Variants in PSD3 observed in about 807,000 individuals in gnomAD.
The protein encoded by PSD3 is PH and SEC7 domain-containing protein 3.
In PSD3, 49 loss-of-function variants were observed where a neutral mutation model predicts 105.5. The ratio of observed to expected loss-of-function variants is 0.46; its 90% CI spans 0.37 to 0.59. PSD3 has a LOEUF of 0.59. PSD3 is among the 20% of genes least tolerant of loss of function. The pLI is 0.00. For synonymous variants in PSD3, 557 were observed against 457.8 expected, an observed-to-expected ratio of 1.22 and a Z score of -2.77; for missense variants, 1,561 against 1,263.8, an observed-to-expected ratio of 1.24 and a Z score of -3.57.
At chr8:18,984,657 T>G (rs1825408287) in intron 1 of PSD3, among the ~76,000 whole-genome samples, 1 of 152,200 alleles carries the variant, frequency 6.6e-6, no homozygotes, top group Admixed American at 6.5e-5. Context: ...TTATAATTCC[T>G]TAATTGTAGC....
chr8:18,556,253 C>G lies in PSD3; in HGVS notation c.2884G>C (p.Asp962His). 1.2e-6 allele frequency: 2 copies of G among 1,614,164 alleles called. No individual in the cohort carries two copies. The highest frequency in any genetic ancestry group is 1.7e-6 in the Non-Finnish European group (2 of 1,179,994). Residue 962 changes from aspartate (D) to histidine (H), a missense_variant, in exon 15 of 16, where the codon GAC becomes CAC. Transcript: ENST00000327040. ...YPPDKKVKAK[D>H]VDEYKLKDHY... ...TCTTTCAGTTTGTACTCATCGACGT[C>G]CTTGGCTTTGACCTTCTTGTCGGGG...
chr8:18,826,544 T>G (rs553032735), intron 4 of PSD3, among the ~76,000 whole-genome samples: 5 of 152,236 alleles, frequency 3.3e-5, no homozygotes, highest in Admixed American at 1.3e-4. Flanking sequence ...CCTCAAGATC[T>G]TTTGTATCTT....
rs565503392 is a variant in PSD3 at position 18,802,434 on chromosome 8, C to T, written c.1911-1052G>A. On this transcript the variant is annotated intron_variant, in intron 6 of 15. Transcript: ENST00000327040. ...CTATGGTAAAAAACATACCATGAGC[C>T]TCATTTCTATGAAAATTTTGCCTTC... 26 of 300,660 alleles carry T rather than the reference C, an allele frequency of 8.6e-5. No homozygotes were observed. The East Asian group carries it at 1.9e-3, about 22-fold the overall frequency. The allele number at this position is 300,660 out of a possible 1,614,324, so 18.6% of individuals were successfully genotyped here.
rs370963041 is a variant in PSD3, at chr8:18,804,519, T to C, written c.1910+3A>G. On this transcript the variant is annotated splice_donor_region_variant and intron_variant, in intron 6 of 15. Coordinates refer to ENST00000327040, the MANE Select transcript of PSD3 (RefSeq NM_015310.4). Reference sequence around the variant, plus strand: ...GACGAGCAGCAAGGAGGCTTAGTCATACCTGAGTGACTGATCCAGCGTCAT... The same window carrying C: ...GACGAGCAGCAAGGAGGCTTAGTCACACCTGAGTGACTGATCCAGCGTCAT... The C allele has an allele frequency of 5.0e-6, 8 of 1,600,844 alleles. No homozygotes were observed. The highest frequency in any genetic ancestry group is 1.7e-5 in the Admixed American group (1 of 59,908).
At chr8:18,575,042 C>A in intron 13 of PSD3, 86 bp downstream of exon 13, 1 of 1,387,350 alleles carries the variant, frequency 7.2e-7, no homozygotes, top group South Asian at 1.8e-5. Flanking sequence ...AAAAATTTCC[C>A]CTGCAGAGCT....
intron 14 of PSD3, among the ~76,000 whole-genome samples, chr8:18,567,471 C>A (rs1297407827): frequency 1.3e-5 from 2 of 152,132 alleles, no homozygotes; most frequent in African/African-American, 4.8e-5. Context: ...TTCTGGTCAT[C>A]AGTAAGAGCA....
chr8:18,763,907 C>T (rs938557641), intron 9 of PSD3, among the ~76,000 whole-genome samples: 1 of 152,120 alleles, frequency 6.6e-6, no homozygotes, highest in South Asian at 2.1e-4. Flanking sequence ...ACAAATAATA[C>T]ATACTTTCCC....
At chr8:19,003,276 G>C (rs78316270) in intron 1 of PSD3, among the ~76,000 whole-genome samples, 21,700 of 151,818 alleles carry the variant, frequency 0.14, 1,794 homozygotes, top group African/African-American at 0.16. Flanking sequence ...GAGGCTGAGG[G>C]AGGAGGATTG....
chr8:18,602,988 G>C lies in PSD3; in HGVS notation c.2411-2554C>G, dbSNP rs183293728. ...ACTTCACATAATGAACTTGATGAGA[G>C]GAAGAGTGAAAAGATTACTGACAGG... On this transcript the variant is annotated intron_variant, in intron 11 of 15. Coordinates refer to ENST00000327040, the MANE Select transcript of PSD3 (RefSeq NM_015310.4). Among the ~76,000 whole-genome samples, 411 of 152,318 alleles carry C rather than the reference G, an allele frequency of 2.7e-3. 2 individuals are homozygous for C. Among genetic ancestry groups the C allele is most frequent in the Non-Finnish European group, 4.4e-3 (302 of 68,018 alleles).
At chr8:18,544,039 T>G (rs11203966) in intron 15 of PSD3, among the ~76,000 whole-genome samples, 136,470 of 152,046 alleles carry the variant, frequency 0.9, 61,305 homozygotes, top group East Asian at 0.97. Context: ...ATATCCTCCT[T>G]ACATTTCGTT....
In PSD3 at chr8:19,026,471, G is replaced by C. The variant is rs80049799; in HGVS notation, c.324+57735C>G. 9.2e-3 allele frequency among the ~76,000 whole-genome samples: 1,402 copies of C among 152,136 alleles called. 28 individuals are homozygous for C. The highest frequency in any genetic ancestry group is 0.032 in the African/African-American group (1,339 of 41,504). On this transcript the variant is annotated intron_variant, in intron 1 of 1. Coordinates refer to the PSD3 transcript ENST00000521475. ...GAATGCAAAAACCTAAGAGAAGTTA[G>C]AGCTCTCCAGAAGACAGAGACAACA...
intron 1 of PSD3, among the ~76,000 whole-genome samples, chr8:19,065,819 T>G (rs1180746546): frequency 6.6e-6 from 1 of 152,160 alleles, no homozygotes; most frequent in Non-Finnish European, 1.5e-5. Flanking sequence ...GATGATCACT[T>G]TAACCCTCAG....
At chr8:18,729,220 C>T (rs897911828) in intron 9 of PSD3, among the ~76,000 whole-genome samples, 3 of 152,312 alleles carry the variant, frequency 2.0e-5, no homozygotes, top group Non-Finnish European at 2.9e-5. Flanking sequence ...TTCTGAACCA[C>T]ACGTCCCCCA....
At chr8:18,744,899 T>A (rs1014198932) in intron 9 of PSD3, among the ~76,000 whole-genome samples, 4 of 152,238 alleles carry the variant, frequency 2.6e-5, no homozygotes, top group African/African-American at 7.2e-5. Flanking sequence ...TCCCTTGTCT[T>A]TTATGACCTC....
At position 18,678,665 on chromosome 8, in the gene PSD3, G is replaced by C. The variant is rs141310151; in HGVS notation, c.2173-22980C>G. On this transcript the variant is annotated intron_variant, in intron 9 of 15. Coordinates refer to ENST00000327040, the MANE Select transcript of PSD3 (RefSeq NM_015310.4). ...CGTCACTATTAAAAATACAAAATTA[G>C]CCGGACGTGGTGGCGCATGCCTGTA... 1.0e-2 allele frequency among the ~76,000 whole-genome samples: 1,464 copies of C among 146,808 alleles called. 31 individuals are homozygous for C. Among genetic ancestry groups the C allele is most frequent in the African/African-American group, 0.036 (1,413 of 39,464 alleles).
chr8:18,874,888 A>G (rs1000791492), intron 2 of PSD3, among the ~76,000 whole-genome samples: 1 of 152,156 alleles, frequency 6.6e-6, no homozygotes, highest in Admixed American at 6.5e-5. Flanking sequence ...TTCATATTCC[A>G]TGTTGTAAAA....
At chr8:18,636,512 A>G (rs1807266977) in intron 10 of PSD3, among the ~76,000 whole-genome samples, 2 of 152,326 alleles carry the variant, frequency 1.3e-5, no homozygotes, top group African/African-American at 2.4e-5. Flanking sequence ...CTAAGTGTAC[A>G]GTGTTTAGAA....
intron 4 of PSD3, among the ~76,000 whole-genome samples, chr8:18,844,842 C>A (rs1248637152): frequency 6.6e-6 from 1 of 152,170 alleles, no homozygotes; most frequent in African/African-American, 2.4e-5. Context: ...CTCTGCATAG[C>A]ATTTACTTTG....
At chr8:18,939,132 G>T (rs1822353589) in intron 1 of PSD3, among the ~76,000 whole-genome samples, 1 of 152,154 alleles carries the variant, frequency 6.6e-6, no homozygotes, top group African/African-American at 2.4e-5. Context: ...ATAAATTTTT[G>T]CTTAGAATCT....
Sources: gnomAD v4.1 joint callset for allele counts (sites outside exome capture counted in the v4.1 genomes callset) on GRCh38, gnomAD v4.1.1 for gene constraint, MANE v1.5 for transcripts, NCBI Gene and HGNC (gene_info 2026-07-23, HGNC 2026-07-21) for gene names.